GPCPD1: variants seen among roughly 807,000 people sequenced by gnomAD.
GPCPD1 encodes glycerophosphocholine phosphodiesterase GPCPD1.
A neutral mutation model predicts 89.2 loss-of-function variants in GPCPD1; 29 were observed. That is an observed-to-expected ratio of 0.33 (90% CI 0.24 to 0.44). The LOEUF is 0.44. Among genes scored for constraint, GPCPD1 ranks in the 20% least tolerant of loss-of-function variants. The pLI, the probability that GPCPD1 is intolerant of heterozygous loss-of-function variation, is 1.00. For synonymous variants in GPCPD1, 258 were observed against 266.3 expected, an observed-to-expected ratio of 0.97 and a Z score of 0.30; for missense variants, 594 against 808.9, an observed-to-expected ratio of 0.73 and a Z score of 3.22.
At chr20:5,574,696 C>T (rs1978285571) in intron 10 of GPCPD1, among the ~76,000 whole-genome samples, 1 of 152,150 alleles carries the variant, frequency 6.6e-6, no homozygotes, top group Admixed American at 6.5e-5. Flanking sequence ...CAAGAATGTG[C>T]CACTGCACTC....
chr20:5,610,425 G>A (rs1473935906), intron 1 of GPCPD1, among the ~76,000 whole-genome samples: 1 of 152,078 alleles, frequency 6.6e-6, no homozygotes, highest in African/African-American at 2.4e-5. Context: ...AGAGAGCGGC[G>A]GTGAGCCGGG....
chr20:5,569,505 C>A (rs1986587022), intron 12 of GPCPD1, among the ~76,000 whole-genome samples: 1 of 151,816 alleles, frequency 6.6e-6, no homozygotes, highest in Non-Finnish European at 1.5e-5. Flanking sequence ...TGGATCCCCC[C>A]CCGCCATTAT....
chr20:5,579,574 C>G (rs1250611096), intron 7 of GPCPD1, among the ~76,000 whole-genome samples: 1 of 152,158 alleles, frequency 6.6e-6, no homozygotes, highest in Non-Finnish European at 1.5e-5. Context: ...TCTTGAACTC[C>G]CGACCTCAGG....
chr20:5,579,993 T>A lies in GPCPD1; in HGVS notation c.473+15A>T. The A allele has an allele frequency of 6.6e-7, 1 of 1,511,976 alleles. No homozygotes were observed. Among genetic ancestry groups the A allele is most frequent in the African/African-American group, 1.4e-5 (1 of 72,120 alleles). The allele number at this position is 1,511,976 out of a possible 1,614,324, so 93.7% of individuals were successfully genotyped here. On this transcript the variant is annotated intron_variant, in intron 7 of 19. Coordinates refer to ENST00000379019, the MANE Select transcript of GPCPD1 (RefSeq NM_019593.5). Reference sequence around the variant, plus strand: ...GAAAACAAATAGCCTAAGTAACACATAAACATGGTCATACCTAAATCTAGA... The same window carrying A: ...GAAAACAAATAGCCTAAGTAACACAAAAACATGGTCATACCTAAATCTAGA...
rs149232827 is a variant in GPCPD1, at chr20:5,581,546, C to G, written c.350-1415G>C. On this transcript the variant is annotated intron_variant, in intron 6 of 19. Coordinates refer to ENST00000379019, the MANE Select transcript of GPCPD1 (RefSeq NM_019593.5). ...GGTGTGAGATATCAGAAGGTAAGAA[C>G]AGAACTGTGAGTCAGAGCCATATTC... Among the ~76,000 whole-genome samples, 52 of 152,220 alleles carry G rather than the reference C, an allele frequency of 3.4e-4. 2 individuals are homozygous for G. Among genetic ancestry groups the G allele is most frequent in the Non-Finnish European group, 3.4e-4 (23 of 68,012 alleles).
chr20:5,600,059 T>G (rs572224797), intron 2 of GPCPD1, among the ~76,000 whole-genome samples: 3 of 152,198 alleles, frequency 2.0e-5, no homozygotes, highest in African/African-American at 7.2e-5. Context: ...AAAAAGATAA[T>G]GAACTGAGTC....
In GPCPD1 at chr20:5,586,188, C is replaced by A; in HGVS notation, c.307+6G>T. 6.8e-7 allele frequency: 1 copy of A among 1,464,316 alleles called. No homozygotes were observed. Among genetic ancestry groups the A allele is most frequent in the Non-Finnish European group, 9.6e-7 (1 of 1,045,046 alleles). 90.7% of individuals were successfully genotyped at this position (1,464,316 alleles called of 1,614,324 possible). A position where few individuals can be genotyped will look rare whatever the true frequency, so the allele number is the denominator to read the frequency against. On this transcript the variant is annotated splice_donor_region_variant and intron_variant, in intron 5 of 19. Coordinates refer to ENST00000379019, the MANE Select transcript of GPCPD1 (RefSeq NM_019593.5). ...TGCCTCAAACAGATGCAGTTAATGC[C>A]CATACCTAAAGGGGTTATTGATCGT...
chr20:5,560,011 T>G lies in GPCPD1; in HGVS notation c.1461A>C (p.Leu487Phe). Residue 487 changes from leucine to phenylalanine, a missense_variant, in exon 17 of 20, where the codon TTA becomes TTC. Coordinates refer to ENST00000379019, the MANE Select transcript of GPCPD1 (RefSeq NM_019593.5). ...TCCCAGAATTTTCTAAAACAGTTTT[T>G]AAAATTATATCCAAAAACAGATTCA... ...FDMNLFLDII[L>F]KTVLENSGKR... The G allele has an allele frequency of 6.3e-7, 1 of 1,575,826 alleles. No individual in the cohort carries two copies. Among genetic ancestry groups the G allele is most frequent in the Non-Finnish European group, 8.7e-7 (1 of 1,152,648 alleles).
In GPCPD1 at chr20:5,604,437, C is replaced by T. The variant is rs185384937; in HGVS notation, c.-25G>A. ...TTCTGATGGATTTATTTTATGATGT[C>T]GTGCTAGGAAAAAAAAGAAAAGTAA... On this transcript the variant is annotated 5_prime_UTR_variant, in exon 2 of 20. Transcript: ENST00000379019. 2,404 of 1,497,306 alleles carry T rather than the reference C, an allele frequency of 1.6e-3. 3 individuals are homozygous for T. The highest frequency in any genetic ancestry group is 3.8e-3 in the Middle Eastern group (20 of 5,224). 92.8% of individuals were successfully genotyped at this position (1,497,306 alleles called of 1,614,324 possible). A position where few individuals can be genotyped will look rare whatever the true frequency, so the allele number is the denominator to read the frequency against.
chr20:5,606,383 T>G (rs949305175), intron 1 of GPCPD1, among the ~76,000 whole-genome samples: 1 of 152,180 alleles, frequency 6.6e-6, no homozygotes, highest in Non-Finnish European at 1.5e-5. Context: ...TAAATTTCAT[T>G]TGCATTTATA....
At chr20:5,603,656 T>C (rs1230328977) in intron 2 of GPCPD1, among the ~76,000 whole-genome samples, 1 of 152,120 alleles carries the variant, frequency 6.6e-6, no homozygotes, top group Non-Finnish European at 1.5e-5. Context: ...CTCACAGCAC[T>C]TTAAGGGACA....
chr20:5,586,309 A>T, intron 4 of GPCPD1, 40 bp from the exon 5 acceptor site: 1 of 1,152,016 alleles, frequency 8.7e-7, no homozygotes, highest in Non-Finnish European at 1.3e-6. Flanking sequence ...AATTTCTTAT[A>T]TCTTATTTTC....
At chr20:5,586,371 G>A in intron 4 of GPCPD1, 102 bp from the exon 5 acceptor site, 1 of 643,530 alleles carries the variant, frequency 1.6e-6, no homozygotes, top group Non-Finnish European at 2.8e-6. Flanking sequence ...CTAAATATGA[G>A]ACCAAAAGAT....
chr20:5,573,359 T>G (rs1421385675), intron 11 of GPCPD1, among the ~76,000 whole-genome samples: 1 of 152,184 alleles, frequency 6.6e-6, no homozygotes, highest in Non-Finnish European at 1.5e-5. Flanking sequence ...GTGCTGGGAT[T>G]ACAGGCATCA....
At chr20:5,555,936 T>C (rs949470931) in intron 19 of GPCPD1, among the ~76,000 whole-genome samples, 16 of 152,122 alleles carry the variant, frequency 1.1e-4, no homozygotes, top group Admixed American at 3.9e-4. Flanking sequence ...CAGAGAAATA[T>C]TGTGTAAAAG....
chr20:5,591,949 A>G (rs1979356674), intron 4 of GPCPD1, among the ~76,000 whole-genome samples: 1 of 152,238 alleles, frequency 6.6e-6, no homozygotes, highest in Non-Finnish European at 1.5e-5. Flanking sequence ...ACAAGGAGAA[A>G]AACTTGTTTT....
intron 11 of GPCPD1, among the ~76,000 whole-genome samples, chr20:5,572,095 T>G (rs1986757914): frequency 6.6e-6 from 1 of 151,914 alleles, no homozygotes; most frequent in Non-Finnish European, 1.5e-5. Flanking sequence ...GACACATGCC[T>G]GTGGTCCCAG....
At chr20:5,601,990 A>C (rs1048289555) in intron 2 of GPCPD1, among the ~76,000 whole-genome samples, 1 of 152,224 alleles carries the variant, frequency 6.6e-6, no homozygotes, top group Non-Finnish European at 1.5e-5. Context: ...CTTACTAAAG[A>C]AATCTGCAAA....
chr20:5,588,616 G>GGAGTTCGAGACCATCAA (rs1457726521), intron 4 of GPCPD1, among the ~76,000 whole-genome samples: 1 of 152,064 alleles, frequency 6.6e-6, no homozygotes, highest in African/African-American at 2.4e-5. Context: ...CTTGAGGTCA[G>GGAGTTCGAGACCATCAA]GAGTTCGAGA....
Sources: allele counts gnomAD v4.1 joint callset (sites outside exome capture counted in the v4.1 genomes callset), GRCh38; gene constraint gnomAD v4.1.1; transcripts MANE v1.5; gene names NCBI Gene and HGNC (gene_info 2026-07-23, HGNC 2026-07-21).